FLI1: variants seen among roughly 807,000 people sequenced by gnomAD.
FLI1 encodes Friend leukemia integration 1 transcription factor.
A neutral mutation model predicts 53.1 loss-of-function variants in FLI1; 13 were observed. The ratio of observed to expected loss-of-function variants is 0.24; its 90% CI spans 0.16 to 0.39. The LOEUF (loss-of-function observed/expected upper bound fraction) is 0.39. Among genes scored for constraint, FLI1 ranks in the 10% least tolerant of loss-of-function variants. FLI1 has a pLI of 1.00. For synonymous variants in FLI1, 244 were observed against 236.7 expected (o/e 1.03, Z -0.28); for missense variants, 424 against 600.5 (o/e 0.71, Z 3.07).
At chr11:128,741,000 C>T (rs919698542) in intron 1 of FLI1, among the ~76,000 whole-genome samples, 1 of 152,170 alleles carries the variant, frequency 6.6e-6, no homozygotes, top group African/African-American at 2.4e-5. Flanking sequence ...CTCCCAGGCA[C>T]GTTGGCACGC....
At position 128,809,142 on chromosome 11, in the gene FLI1, T is replaced by C. The variant is rs908581710; in HGVS notation, c.782-15T>C. 6.8e-6 allele frequency: 11 copies of C among 1,612,718 alleles called. No homozygotes were observed. In the African/African-American group the frequency reaches 1.5e-4, roughly 22 times the overall value. ...TTAAAAACACTGAAGCAAATTTCCT[T>C]TTTTATTTCCTTAGATCCGTATCAG... On this transcript the variant is annotated splice_polypyrimidine_tract_variant and intron_variant, in intron 7 of 8. Coordinates refer to ENST00000527786, the MANE Select transcript of FLI1 (RefSeq NM_002017.5).
At chr11:128,715,227 T>C (rs1036898864) in intron 1 of FLI1, among the ~76,000 whole-genome samples, 1 of 152,240 alleles carries the variant, frequency 6.6e-6, no homozygotes, top group Non-Finnish European at 1.5e-5. Flanking sequence ...GCTAAGTGAT[T>C]AAACATATAC....
At chr11:128,742,459 A>C (rs1346444348) in intron 1 of FLI1, among the ~76,000 whole-genome samples, 2 of 152,234 alleles carry the variant, frequency 1.3e-5, no homozygotes, top group African/African-American at 4.8e-5. Context: ...TGACCTTTGC[A>C]TGTTTCGAGG....
chr11:128,695,145 G>A (rs1482007426), intron 1 of FLI1, among the ~76,000 whole-genome samples: 2 of 152,180 alleles, frequency 1.3e-5, no homozygotes, highest in Non-Finnish European at 2.9e-5. Context: ...GCGCCCGCCC[G>A]GCCATTCCCA....
rs1942687697 is a variant in FLI1, at chr11:128,803,315, ACGCCAAGGT to A, written c.656-2049_656-2041del. ...AAACCTCCCTTAGTTCCCACCTGCA[ACGCCAAGGT>A]CCCAGAGTTTGCTGAGCTACCATCA... On this transcript the variant is annotated intron_variant, in intron 5 of 8. Coordinates refer to ENST00000527786, the MANE Select transcript of FLI1 (RefSeq NM_002017.5). Among the ~76,000 whole-genome samples the A allele has an allele frequency of 2.0e-5, 3 of 152,200 alleles. No homozygotes were observed. In the South Asian group the frequency reaches 6.2e-4, roughly 32 times the overall value.
intron 1 of FLI1, among the ~76,000 whole-genome samples, chr11:128,756,187 C>T (rs1210447653): frequency 1.3e-5 from 2 of 152,208 alleles, no homozygotes; most frequent in Non-Finnish European, 2.9e-5. Context: ...CATACCAGGG[C>T]TGAGTGGCTT....
chr11:128,809,041 CA>C, intron 7 of FLI1, 115 bp from the exon 8 acceptor site: 1 of 729,110 alleles, frequency 1.4e-6, no homozygotes, highest in Non-Finnish European at 2.2e-6. Context: ...TTTCTGAAAT[CA>C]GTCTTTCCTG....
upstream of FLI1, chr11:128,693,240 G>A (rs1316622195): frequency 6.6e-6 from 1 of 152,268 alleles, no homozygotes; most frequent in Non-Finnish European, 1.5e-5. Context: ...CAGGGTCGAG[G>A]CGCGCCGCCC....
chr11:128,701,465 C>G (rs1299325626), intron 1 of FLI1, among the ~76,000 whole-genome samples: 1 of 152,182 alleles, frequency 6.6e-6, no homozygotes, highest in Non-Finnish European at 1.5e-5. Flanking sequence ...ACCAAAAACG[C>G]AGAGACTCAT....
chr11:128,739,654 G>T (rs1037997618), intron 1 of FLI1, among the ~76,000 whole-genome samples: 9 of 151,978 alleles, frequency 5.9e-5, no homozygotes, highest in Admixed American at 5.2e-4. Context: ...TGTTGAATTT[G>T]ATTTATTAGG....
intron 3 of FLI1, among the ~76,000 whole-genome samples, chr11:128,769,625 G>A (rs1337101443): frequency 6.6e-6 from 1 of 152,148 alleles, no homozygotes; most frequent in Non-Finnish European, 1.5e-5. Context: ...GACGGGTGGG[G>A]CTTGTAGAAA....
intron 1 of FLI1, among the ~76,000 whole-genome samples, chr11:128,723,450 G>A (rs919931453): frequency 1.3e-5 from 2 of 152,090 alleles, no homozygotes; most frequent in African/African-American, 4.8e-5. Context: ...TGGTGAGCAG[G>A]AACACTATGG....
At chr11:128,779,159 G>A (rs1381943062) in intron 4 of FLI1, among the ~76,000 whole-genome samples, 2 of 152,222 alleles carry the variant, frequency 1.3e-5, no homozygotes, top group Non-Finnish European at 2.9e-5. Flanking sequence ...GCCCAAAGAA[G>A]AACTTTCACC....
At chr11:128,799,105 T>C (rs1038956994) in intron 5 of FLI1, among the ~76,000 whole-genome samples, 12 of 151,148 alleles carry the variant, frequency 7.9e-5, no homozygotes, top group African/African-American at 2.9e-4. Flanking sequence ...AGTACAATAG[T>C]GTAATCATAG....
intron 5 of FLI1, among the ~76,000 whole-genome samples, chr11:128,799,467 C>T (rs1460111094): frequency 6.6e-6 from 1 of 152,102 alleles, no homozygotes; most frequent in African/African-American, 2.4e-5. Flanking sequence ...GTAGAAAGCA[C>T]CTGTTATTAA....
At chr11:128,691,293 C>T (rs1937731509), upstream of FLI1, among the ~76,000 whole-genome samples, 1 of 152,170 alleles carries the variant, frequency 6.6e-6, no homozygotes, top group African/African-American at 2.4e-5. Flanking sequence ...CATCCCCTTT[C>T]AGGATTTAAA....
At chr11:128,781,880 C>A in intron 4 of FLI1, 78 bp from the exon 5 acceptor site, 1 of 1,125,680 alleles carries the variant, frequency 8.9e-7, no homozygotes, top group Non-Finnish European at 1.4e-6. Context: ...TCCCTTTCTA[C>A]TCCCTCCTCA....
intron 4 of FLI1, among the ~76,000 whole-genome samples, chr11:128,779,883 G>T (rs575412729): frequency 6.6e-6 from 1 of 152,256 alleles, no homozygotes; most frequent in Non-Finnish European, 1.5e-5. Context: ...CACTGAGGCT[G>T]TATGCTACAG....
At chr11:128,772,724 C>T in intron 3 of FLI1, 58 bp from the exon 4 acceptor site, 1 of 1,424,932 alleles carries the variant, frequency 7.0e-7, no homozygotes, top group Non-Finnish European at 9.9e-7. Flanking sequence ...GCTGCCTAGG[C>T]TCTCAGGGAG....
Sources: allele counts gnomAD v4.1 joint callset (sites outside exome capture counted in the v4.1 genomes callset), GRCh38; gene constraint gnomAD v4.1.1; transcripts MANE v1.5; gene names NCBI Gene and HGNC (gene_info 2026-07-23, HGNC 2026-07-21).